The following CTNNA3 variants were observed in gnomAD, a reference collection of about 807,000 sequenced individuals.
The protein encoded by CTNNA3 is catenin alpha-3.
A neutral mutation model predicts 95.7 loss-of-function variants in CTNNA3; 76 were observed. The ratio of observed to expected loss-of-function variants is 0.79; its 90% CI spans 0.66 to 0.96. The LOEUF (loss-of-function observed/expected upper bound fraction) is 0.96. Among genes scored for constraint, CTNNA3 ranks in the 40% least tolerant of loss-of-function variants. CTNNA3 has a pLI of 0.00. For missense variants in CTNNA3, 1,191 were observed against 1,089.8 expected, an observed-to-expected ratio of 1.09 and a Z score of -1.31; for synonymous variants, 431 against 374.4, an observed-to-expected ratio of 1.15 and a Z score of -1.74.
At chr10:67,259,340 C>A (rs1458069751) in intron 5 of CTNNA3, among the ~76,000 whole-genome samples, 1 of 151,980 alleles carries the variant, frequency 6.6e-6, no homozygotes, top group African/African-American at 2.4e-5. Context: ...TTTTTATCAG[C>A]CTTAAAGCTC....
chr10:67,588,746 C>A (rs1167631101), intron 3 of CTNNA3, among the ~76,000 whole-genome samples: 1 of 151,760 alleles, frequency 6.6e-6, no homozygotes, highest in Non-Finnish European at 1.5e-5. Flanking sequence ...AGTTAAGGAA[C>A]CATTATATTC....
intron 5 of CTNNA3, among the ~76,000 whole-genome samples, chr10:67,475,666 G>C (rs1029220138): frequency 4.6e-5 from 7 of 152,120 alleles, no homozygotes; most frequent in African/African-American, 1.7e-4. Flanking sequence ...ATTAGAAATA[G>C]TCACTTATCT....
rs200594004 is a variant in CTNNA3 at position 66,973,605 on chromosome 10, A to T, written c.1048-198081T>A. On this transcript the variant is annotated intron_variant, in intron 7 of 17. Coordinates refer to ENST00000433211, the MANE Select transcript of CTNNA3 (RefSeq NM_013266.4). ...AAGTGCTAAATTAAATACACTCTCA[A>T]ATAATTTTGTTAGACTATTAAATTA... 4.6e-5 allele frequency among the ~76,000 whole-genome samples: 7 copies of T among 152,256 alleles called. No homozygotes were observed. In the East Asian group the frequency reaches 1.2e-3, roughly 25 times the overall value.
chr10:67,299,547 G>A (rs922347349), intron 5 of CTNNA3, among the ~76,000 whole-genome samples: 1 of 152,128 alleles, frequency 6.6e-6, no homozygotes, highest in African/African-American at 2.4e-5. Flanking sequence ...CTGGTAGAAG[G>A]CTGTAGGATT....
intron 12 of CTNNA3, among the ~76,000 whole-genome samples, chr10:66,318,276 A>ATGTGTGTGTGTGTGTG (rs138734509): frequency 1.7e-3 from 228 of 136,650 alleles, no homozygotes; most frequent in African/African-American, 6.0e-3. Context: ...ATATATATAT[A>ATGTGTGTGTGTGTGTG]TGTGTGTGTG....
chr10:67,639,880 A>G (rs1337489238), intron 2 of CTNNA3, among the ~76,000 whole-genome samples: 1 of 152,206 alleles, frequency 6.6e-6, no homozygotes, highest in Non-Finnish European at 1.5e-5. Flanking sequence ...GCTATTTATG[A>G]CCAACCGACA....
At chr10:66,867,896 A>C (rs1438214652) in intron 7 of CTNNA3, among the ~76,000 whole-genome samples, 7 of 81,078 alleles carry the variant, frequency 8.6e-5, no homozygotes, top group Non-Finnish European at 2.5e-5. Context: ...AGGCACTACC[A>C]AAAAAAAAAA....
At chr10:67,571,291 T>C (rs947615089) in intron 3 of CTNNA3, among the ~76,000 whole-genome samples, 4 of 152,162 alleles carry the variant, frequency 2.6e-5, no homozygotes, top group African/African-American at 7.2e-5. Context: ...TAAAGAAATA[T>C]TTGTTGACTG....
intron 9 of CTNNA3, among the ~76,000 whole-genome samples, chr10:66,677,006 T>C (rs563036881): frequency 5.3e-5 from 8 of 152,140 alleles, no homozygotes; most frequent in African/African-American, 1.9e-4. Flanking sequence ...TGGTCAGAAA[T>C]GGGGTATTTG....
At chr10:67,357,940 T>C (rs888849613) in intron 5 of CTNNA3, among the ~76,000 whole-genome samples, 7 of 152,136 alleles carry the variant, frequency 4.6e-5, no homozygotes, top group African/African-American at 7.2e-5. Flanking sequence ...AATATAGACA[T>C]ATAAATTAAT....
intron 2 of CTNNA3, among the ~76,000 whole-genome samples, chr10:67,637,095 C>A (rs1589517654): frequency 1.3e-5 from 2 of 152,154 alleles, no homozygotes; most frequent in South Asian, 4.1e-4. Flanking sequence ...GAACCCATGG[C>A]AAAGAAGTTA....
intron 12 of CTNNA3, among the ~76,000 whole-genome samples, chr10:66,343,303 A>T (rs1391413467): frequency 6.6e-6 from 1 of 152,108 alleles, no homozygotes; most frequent in African/African-American, 2.4e-5. Context: ...TAATCACAAC[A>T]GGCAAGACAT....
intron 7 of CTNNA3, among the ~76,000 whole-genome samples, chr10:66,810,056 C>T (rs928552279): frequency 5.3e-5 from 8 of 152,090 alleles, no homozygotes; most frequent in East Asian, 1.9e-4. Context: ...CCACCTGCCT[C>T]GGCCTCTCAA....
intron 15 of CTNNA3, among the ~76,000 whole-genome samples, chr10:66,015,422 T>C (rs1424315502): frequency 6.6e-6 from 1 of 152,180 alleles, no homozygotes; most frequent in Non-Finnish European, 1.5e-5. Context: ...ACCACTTGCT[T>C]TTGTGAATAA....
chr10:66,647,319 T>A (rs4746617), intron 9 of CTNNA3, among the ~76,000 whole-genome samples: 1 of 151,828 alleles, frequency 6.6e-6, no homozygotes, highest in Admixed American at 6.6e-5. Context: ...AAAAGTGATA[T>A]GCAAACCAAA....
chr10:67,166,708 T>C (rs1396335009), intron 7 of CTNNA3, among the ~76,000 whole-genome samples: 1 of 152,234 alleles, frequency 6.6e-6, no homozygotes, highest in African/African-American at 2.4e-5. Flanking sequence ...GTAATTCAGA[T>C]CCTTTATGTT....
chr10:67,257,835 A>G (rs947077333), intron 5 of CTNNA3, among the ~76,000 whole-genome samples: 3 of 152,206 alleles, frequency 2.0e-5, no homozygotes, highest in South Asian at 4.1e-4. Context: ...TTTTGTGAAT[A>G]TATCTGAAAG....
intron 7 of CTNNA3, among the ~76,000 whole-genome samples, chr10:67,133,306 G>GATATATATATATATATATATACATATAT (rs56800232): frequency 1.0e-5 from 1 of 97,686 alleles, no homozygotes; most frequent in Non-Finnish European, 2.1e-5. Context: ...CATATTGCCT[G>GATATATATATATATATATATACATATAT]ATATATATAT....
At chr10:66,947,864 G>T (rs930231773) in intron 7 of CTNNA3, among the ~76,000 whole-genome samples, 1 of 152,154 alleles carries the variant, frequency 6.6e-6, no homozygotes, top group African/African-American at 2.4e-5. Context: ...TCTGAGAAAT[G>T]CATCATTAGG....
Sources: gnomAD v4.1 joint callset for allele counts (sites outside exome capture counted in the v4.1 genomes callset) on GRCh38, gnomAD v4.1.1 for gene constraint, MANE v1.5 for transcripts, NCBI Gene and HGNC (gene_info 2026-07-23, HGNC 2026-07-21) for gene names.